ADGRV1: variants seen among roughly 807,000 people sequenced by gnomAD.
The protein encoded by ADGRV1 is G-protein coupled receptor 98.
A neutral mutation model predicts 596.2 loss-of-function variants in ADGRV1; 359 were observed. The ratio of observed to expected loss-of-function variants is 0.60; its 90% CI spans 0.55 to 0.66. The LOEUF (loss-of-function observed/expected upper bound fraction) is 0.66. ADGRV1 is among the 30% of genes least tolerant of loss of function. The pLI is 0.00. For missense variants in ADGRV1, 7,274 were observed against 7,575.6 expected (o/e 0.96, Z 1.48); for synonymous variants, 2,681 against 2,679.2 (o/e 1.00, Z -0.02).
intron 83 of ADGRV1, among the ~76,000 whole-genome samples, chr5:90,868,718 G>C (rs1768375515): frequency 7.0e-6 from 1 of 142,392 alleles, no homozygotes; most frequent in South Asian, 2.2e-4. Context: ...GTATTTAACT[G>C]TATCTTTTCT....
In ADGRV1 at chr5:90,791,064, G is replaced by C. The variant is rs768170065; in HGVS notation, c.14235G>C (p.Leu4745=). ...TAGAGGGAGGAGCCGAACTGGATCT[G>C]GAGAAGAGTATCACATGGTTCTCTG... is the stretch of plus-strand genomic sequence containing the variant. ...VSVEGGAELD[L]EKSITWFSVY... Residue 4745 remains leucine (L), a synonymous_variant, in exon 70 of 90, where the codon CTG becomes CTC. Transcript: ENST00000405460. 7 of 1,613,844 alleles carry C rather than the reference G, an allele frequency of 4.3e-6. No individual in the cohort carries two copies. In the African/African-American group the frequency reaches 8.0e-5, roughly 18 times the overall value.
chr5:91,164,264 G>A lies in ADGRV1; in HGVS notation c.*364G>A. On this transcript the variant is annotated 3_prime_UTR_variant, in exon 90 of 90. Transcript: ENST00000405460. ...ATTGATAAAGAAACATTGTGCATGGGCAAAAAAAGCTAACTCTATATGTAG... is the reference window on the plus strand; with the variant it reads ...ATTGATAAAGAAACATTGTGCATGGACAAAAAAAGCTAACTCTATATGTAG... 3.1e-6 allele frequency: 1 copy of A among 325,564 alleles called. No homozygotes were observed. Among genetic ancestry groups the A allele is most frequent in the East Asian group, 7.6e-5 (1 of 13,082 alleles). The allele number at this position is 325,564 out of a possible 1,614,324, so 20.2% of individuals were successfully genotyped here.
intron 83 of ADGRV1, among the ~76,000 whole-genome samples, chr5:90,890,717 G>A (rs1433708855): frequency 2.0e-5 from 3 of 152,098 alleles, no homozygotes; most frequent in Admixed American, 2.0e-4. Flanking sequence ...CTGGGCCACA[G>A]CATAAGGATA....
chr5:91,053,216 C>G (rs185255978), intron 85 of ADGRV1, among the ~76,000 whole-genome samples: 17 of 152,312 alleles, frequency 1.1e-4, no homozygotes, highest in African/African-American at 4.1e-4. Flanking sequence ...GGGCTTTCCT[C>G]TGCAATCACC....
intron 49 of ADGRV1, 29 bp downstream of exon 49, chr5:90,728,962 A>C (rs1752166804): frequency 1.4e-6 from 2 of 1,447,830 alleles, no homozygotes; most frequent in East Asian, 4.6e-5. Flanking sequence ...TGTAGTGTAT[A>C]TATAATTATT....
At chr5:91,062,715 G>A (rs916564164) in intron 85 of ADGRV1, among the ~76,000 whole-genome samples, 8 of 152,032 alleles carry the variant, frequency 5.3e-5, no homozygotes, top group Admixed American at 1.3e-4. Context: ...CATCTGAACA[G>A]CCCAGGCTTC....
At chr5:90,925,753 A>T (rs1220269976) in intron 83 of ADGRV1, among the ~76,000 whole-genome samples, 1 of 135,082 alleles carries the variant, frequency 7.4e-6, no homozygotes, top group African/African-American at 2.8e-5. Flanking sequence ...ATTCAGTATG[A>T]TATTGGCTGT....
intron 84 of ADGRV1, among the ~76,000 whole-genome samples, chr5:90,980,957 GC>G (rs1465961850): frequency 6.6e-6 from 1 of 152,144 alleles, no homozygotes; most frequent in Non-Finnish European, 1.5e-5. Context: ...TAAATTGCTA[GC>G]CTTGGTTACT....
intron 89 of ADGRV1, among the ~76,000 whole-genome samples, chr5:91,161,984 C>A (rs1181637935): frequency 1.3e-5 from 2 of 152,148 alleles, no homozygotes; most frequent in African/African-American, 4.8e-5. Flanking sequence ...TGGGATACAT[C>A]TATTTGATAG....
chr5:90,914,934 C>T (rs886368226), intron 83 of ADGRV1, among the ~76,000 whole-genome samples: 11 of 152,146 alleles, frequency 7.2e-5, no homozygotes, highest in Non-Finnish European at 1.5e-4. Flanking sequence ...TTTATTGTCC[C>T]TGCCTACATG....
chr5:91,103,991 C>T lies in ADGRV1; in HGVS notation c.18432+1651C>T, dbSNP rs573144886. On this transcript the variant is annotated intron_variant, in intron 87 of 89. Coordinates refer to ENST00000405460, the MANE Select transcript of ADGRV1 (RefSeq NM_032119.4). ...AGAAAGGGTAGATTGGTTTAAACGC[C>T]GGCTTTCCATGCTTGGGATGCTGAG... 1.5e-3 allele frequency among the ~76,000 whole-genome samples: 226 copies of T among 152,214 alleles called. 2 individuals carry two copies. The highest frequency in any genetic ancestry group is 1.0e-3 in the South Asian group (5 of 4,822).
intron 87 of ADGRV1, among the ~76,000 whole-genome samples, chr5:91,122,017 GT>G (rs1053774199): frequency 2.5e-4 from 38 of 151,372 alleles, no homozygotes; most frequent in African/African-American, 8.7e-4. Context: ...AACTTCAAAA[GT>G]GTTGTATTTA....
intron 85 of ADGRV1, among the ~76,000 whole-genome samples, chr5:90,991,336 C>T (rs1426495474): frequency 6.6e-6 from 1 of 152,206 alleles, no homozygotes; most frequent in African/African-American, 2.4e-5. Flanking sequence ...TGACTATATA[C>T]AAAGGCTTAA....
rs749072587 is a variant in ADGRV1 at position 90,790,866 on chromosome 5, A to T, written c.14044-7A>T. The T allele has an allele frequency of 7.0e-6, 11 of 1,566,410 alleles. No individual in the cohort carries two copies. Among genetic ancestry groups the T allele is most frequent in the African/African-American group, 4.1e-5 (3 of 72,714 alleles). ...TAACTTTGTTGAGTTTTTTTCTTTT[A>T]TTTTAGGTTTACTGGGAATTAAGTA... On this transcript the variant is annotated splice_polypyrimidine_tract_variant and splice_region_variant and intron_variant, in intron 69 of 89. Coordinates refer to ENST00000405460, the MANE Select transcript of ADGRV1 (RefSeq NM_032119.4).
rs143824855 is a variant in ADGRV1, at chr5:90,868,116, G to A, written c.17856+4259G>A. 4.9e-4 allele frequency among the ~76,000 whole-genome samples: 74 copies of A among 152,160 alleles called. 2 individuals are homozygous for A. The East Asian group carries it at 0.013, about 27-fold the overall frequency. On this transcript the variant is annotated intron_variant, in intron 83 of 89. Transcript: ENST00000405460. ...GTAGTGCATCAGTGAGTCTATGGCGGGTTTCCGGATCCTACTTGTTAAGTA... is the reference window on the plus strand; with the variant it reads ...GTAGTGCATCAGTGAGTCTATGGCGAGTTTCCGGATCCTACTTGTTAAGTA...
intron 83 of ADGRV1, among the ~76,000 whole-genome samples, chr5:90,866,635 T>C (rs1768138701): frequency 6.6e-6 from 1 of 152,076 alleles, no homozygotes; most frequent in Non-Finnish European, 1.5e-5. Flanking sequence ...TGTCCTACCT[T>C]TCTCTTTTTA....
rs188452841 is a variant in ADGRV1, at chr5:90,705,482, T to G, written c.8469T>G (p.His2823Gln). ...VLTVEASDEP[H>Q]GVLNFALSSR... is the part of the protein sequence containing the mutation. Reference sequence around the variant, plus strand: ...CAGTAGAAGCCAGTGATGAACCACATGGAGTTTTAAATTTTGCTCTTTCAT... The same window carrying G: ...CAGTAGAAGCCAGTGATGAACCACAGGGAGTTTTAAATTTTGCTCTTTCAT... The change falls in exon 37 of 90, where the codon CAT becomes CAG. Residue 2823 changes from histidine (H) to glutamine (Q), a missense_variant. Coordinates refer to ENST00000405460, the MANE Select transcript of ADGRV1 (RefSeq NM_032119.4). 113 of 1,613,894 alleles carry G rather than the reference T, an allele frequency of 7.0e-5. 1 individual carries two copies. The African/African-American group carries it at 1.4e-3, about 20-fold the overall frequency.
intron 39 of ADGRV1, among the ~76,000 whole-genome samples, chr5:90,710,554 GT>G (rs1264493270): frequency 6.6e-6 from 1 of 151,654 alleles, no homozygotes; most frequent in African/African-American, 2.4e-5. Context: ...GCACACCTCT[GT>G]TTTCTCTGTA....
chr5:91,007,908 C>CT (rs987706221), intron 85 of ADGRV1, among the ~76,000 whole-genome samples: 5 of 151,766 alleles, frequency 3.3e-5, no homozygotes, highest in African/African-American at 4.8e-5. Flanking sequence ...TTGCCCTTTG[C>CT]TTTTTTTTAG....
Sources: allele counts gnomAD v4.1 joint callset (sites outside exome capture counted in the v4.1 genomes callset), GRCh38; gene constraint gnomAD v4.1.1; transcripts MANE v1.5; gene names NCBI Gene and HGNC (gene_info 2026-07-23, HGNC 2026-07-21).